The following KLHL29 variants were observed in gnomAD, a reference collection of about 807,000 sequenced individuals.
The protein encoded by KLHL29 is kelch-like protein 29.
In KLHL29, 21 loss-of-function variants were observed where a neutral mutation model predicts 80.4. That is an observed-to-expected ratio of 0.26 (90% CI 0.19 to 0.38). The LOEUF (loss-of-function observed/expected upper bound fraction) is 0.38. Ranked by LOEUF, KLHL29 falls within the 10% of genes least tolerant of loss-of-function variation. The probability of loss-of-function intolerance (pLI) is 1.00; values close to 1 mark genes in which losing one functional copy is unlikely to be tolerated. For synonymous variants in KLHL29, 511 were observed against 526.8 expected (o/e 0.97, Z 0.41); for missense variants, 867 against 1,223.9 (o/e 0.71, Z 4.35).
At chr2:23,652,252 G>C (rs921144456) in intron 5 of KLHL29, among the ~76,000 whole-genome samples, 3 of 152,182 alleles carry the variant, frequency 2.0e-5, no homozygotes, top group Non-Finnish European at 4.4e-5. Flanking sequence ...CCCATGATTA[G>C]CATCATCCAT....
At chr2:23,548,279 G>T (rs946405104) in intron 2 of KLHL29, among the ~76,000 whole-genome samples, 5 of 150,648 alleles carry the variant, frequency 3.3e-5, no homozygotes, top group African/African-American at 1.2e-4. Context: ...AGACACACAG[G>T]CGCACACACA....
chr2:23,642,707 C>G lies in KLHL29; in HGVS notation c.797C>G (p.Pro266Arg). 1 of 1,548,498 alleles carries G rather than the reference C, an allele frequency of 6.5e-7. No individual in the cohort carries two copies. Among genetic ancestry groups the G allele is most frequent in the Non-Finnish European group, 8.7e-7 (1 of 1,145,848 alleles). ...GCAGGGCCCCTGCTGCCTCCACCGC[C>G]GCCAGCCCAGCCGTCCGCCACTCTC... ...HMAGPLLPPP[P>R]PAQPSATLPS... Residue 266 changes from proline (P) to arginine (R), a missense_variant, in exon 5 of 14, where the codon CCG becomes CGG. Coordinates refer to ENST00000486442, the MANE Select transcript of KLHL29 (RefSeq NM_052920.2).
chr2:23,703,989 C>A (rs1672557105), intron 13 of KLHL29, 126 bp downstream of exon 13: 2 of 1,102,378 alleles, frequency 1.8e-6, no homozygotes, highest in South Asian at 1.6e-5. Flanking sequence ...TGGCCCTCCC[C>A]CTCCAACCAC....
chr2:23,624,124 A>G (rs541721328), intron 3 of KLHL29, among the ~76,000 whole-genome samples: 41 of 152,242 alleles, frequency 2.7e-4, no homozygotes, highest in Non-Finnish European at 4.9e-4. Context: ...ACAAGGCGCC[A>G]TTGGTATTCC....
Position 23,599,478 on chromosome 2 carries a change from T to A in KLHL29, c.285+36997T>A, listed in dbSNP as rs554809506. On this transcript the variant is annotated intron_variant, in intron 3 of 13. Coordinates refer to ENST00000486442, the MANE Select transcript of KLHL29 (RefSeq NM_052920.2). ...TCTTTGAATAGATATTTTAAAAATATATACCTAATATAATGAAATATAAAT... is the reference window on the plus strand; with the variant it reads ...TCTTTGAATAGATATTTTAAAAATAAATACCTAATATAATGAAATATAAAT... 2.6e-5 allele frequency among the ~76,000 whole-genome samples: 4 copies of A among 151,582 alleles called. No individual in the cohort carries two copies. In the East Asian group the frequency reaches 7.7e-4, roughly 29 times the overall value.
At chr2:23,635,781 T>C (rs536725299) in intron 3 of KLHL29, among the ~76,000 whole-genome samples, 143 of 152,318 alleles carry the variant, frequency 9.4e-4, no homozygotes, top group African/African-American at 3.3e-3. Flanking sequence ...AGTGCCATCA[T>C]GTCACTGGAG....
chr2:23,446,101 G>A (rs1663667632), intron 1 of KLHL29, among the ~76,000 whole-genome samples: 1 of 151,626 alleles, frequency 6.6e-6, no homozygotes, highest in African/African-American at 2.4e-5. Flanking sequence ...ATCGTAATCA[G>A]AAAGACTTTT....
intron 3 of KLHL29, among the ~76,000 whole-genome samples, chr2:23,570,214 C>T (rs932774597): frequency 6.6e-6 from 1 of 152,192 alleles, no homozygotes; most frequent in Admixed American, 6.5e-5. Context: ...CTGTCACATG[C>T]CTTTCCTATT....
intron 1 of KLHL29, among the ~76,000 whole-genome samples, chr2:23,401,122 C>T (rs2577749): frequency 0.026 from 3,994 of 152,246 alleles, 48 homozygotes; most frequent in Middle Eastern, 0.034. Context: ...CTGGGCAGTA[C>T]CTCATGTCAT....
At chr2:23,581,279 C>A (rs1418768157) in intron 3 of KLHL29, among the ~76,000 whole-genome samples, 1 of 152,196 alleles carries the variant, frequency 6.6e-6, no homozygotes, top group Non-Finnish European at 1.5e-5. Context: ...CACTCCCCAC[C>A]CGGTCTTCCT....
intron 1 of KLHL29, among the ~76,000 whole-genome samples, chr2:23,413,932 C>A (rs1419560380): frequency 6.6e-6 from 1 of 152,130 alleles, no homozygotes; most frequent in Admixed American, 6.5e-5. Flanking sequence ...TTTGGTCACT[C>A]ACAAGGTAAT....
At chr2:23,589,145 G>A (rs1313873214) in intron 3 of KLHL29, among the ~76,000 whole-genome samples, 1 of 152,234 alleles carries the variant, frequency 6.6e-6, no homozygotes, top group Non-Finnish European at 1.5e-5. Context: ...TAATCAAATG[G>A]CTGAATTGAG....
At chr2:23,662,822 C>T (rs1422627468) in intron 5 of KLHL29, among the ~76,000 whole-genome samples, 1 of 152,194 alleles carries the variant, frequency 6.6e-6, no homozygotes, top group Non-Finnish European at 1.5e-5. Flanking sequence ...TCCTGGGCCC[C>T]GAGCCTGACT....
At chr2:23,513,574 C>T (rs945504167) in intron 2 of KLHL29, among the ~76,000 whole-genome samples, 3 of 152,222 alleles carry the variant, frequency 2.0e-5, no homozygotes, top group East Asian at 1.9e-4. Context: ...TACATTCTCC[C>T]AGGACCTGAG....
chr2:23,401,347 C>T (rs539163811), intron 1 of KLHL29, among the ~76,000 whole-genome samples: 2 of 152,300 alleles, frequency 1.3e-5, no homozygotes, highest in East Asian at 3.9e-4. Context: ...CACCCCCGGT[C>T]CCCACCCTAA....
chr2:23,623,348 G>C (rs1669231969), intron 3 of KLHL29, among the ~76,000 whole-genome samples: 2 of 152,182 alleles, frequency 1.3e-5, no homozygotes, highest in Non-Finnish European at 2.9e-5. Context: ...AGTGGCAGGA[G>C]GACAGTCCGC....
At chr2:23,521,260 G>A (rs1666094093) in intron 2 of KLHL29, among the ~76,000 whole-genome samples, 1 of 152,134 alleles carries the variant, frequency 6.6e-6, no homozygotes, top group Non-Finnish European at 1.5e-5. Flanking sequence ...AGGGAAGGCT[G>A]TGGCCCAAGC....
chr2:23,566,299 C>G (rs1667588425), intron 3 of KLHL29, among the ~76,000 whole-genome samples: 1 of 152,180 alleles, frequency 6.6e-6, no homozygotes, highest in African/African-American at 2.4e-5. Flanking sequence ...TTCCAAGAGC[C>G]TAACAGGAGC....
At chr2:23,660,321 C>A (rs541735061) in intron 5 of KLHL29, among the ~76,000 whole-genome samples, 1 of 152,232 alleles carries the variant, frequency 6.6e-6, no homozygotes, top group Non-Finnish European at 1.5e-5. Context: ...TCCCCCTCAG[C>A]CTGTCTCTTC....
Sources: gnomAD v4.1 joint callset for allele counts (sites outside exome capture counted in the v4.1 genomes callset) on GRCh38, gnomAD v4.1.1 for gene constraint, MANE v1.5 for transcripts, NCBI Gene and HGNC (gene_info 2026-07-23, HGNC 2026-07-21) for gene names.